Variants in DDX21 observed in about 807,000 individuals in gnomAD.
DDX21 encodes the protein nucleolar RNA helicase 2.
In DDX21, 18 loss-of-function variants were observed where a neutral mutation model predicts 90.0. The observed-to-expected ratio is 0.20, with a 90% confidence interval of 0.14 to 0.30. DDX21 has a LOEUF of 0.30. Ranked by LOEUF, DDX21 falls within the 10% of genes least tolerant of loss-of-function variation. DDX21 has a pLI of 1.00. For missense variants in DDX21, 673 were observed against 944.5 expected, an observed-to-expected ratio of 0.71 and a Z score of 3.77; for synonymous variants, 294 against 318.0, an observed-to-expected ratio of 0.92 and a Z score of 0.80.
At chr10:68,981,869 G>T (rs140112236) in intron 14 of DDX21, among the ~76,000 whole-genome samples, 1 of 151,734 alleles carries the variant, frequency 6.6e-6, no homozygotes, top group Non-Finnish European at 1.5e-5. Context: ...GTGTGTGTGT[G>T]TGTGCATGTG....
intron 9 of DDX21, among the ~76,000 whole-genome samples, chr10:68,972,628 A>C (rs1420047728): frequency 2.0e-5 from 3 of 152,218 alleles, no homozygotes; most frequent in Non-Finnish European, 4.4e-5. Flanking sequence ...AAGACTATGA[A>C]TTCACCAATT....
At chr10:68,965,717 G>A (rs1292925316) in intron 5 of DDX21, among the ~76,000 whole-genome samples, 1 of 151,992 alleles carries the variant, frequency 6.6e-6, no homozygotes, top group Non-Finnish European at 1.5e-5. Context: ...ATTTATCTAG[G>A]GGCTACAAAA....
intron 1 of DDX21, chr10:68,956,610 G>A: frequency 8.2e-7 from 1 of 1,225,114 alleles, no homozygotes; most frequent in South Asian, 1.9e-5. Flanking sequence ...AGAGGGCCGG[G>A]TGTCCCACGT....
intron 1 of DDX21, 184 bp downstream of exon 1, chr10:68,956,496 G>A (rs115031368): frequency 0.01 from 14,986 of 1,439,028 alleles, 137 homozygotes; most frequent in Non-Finnish European, 0.012. Flanking sequence ...TGGACGCGTC[G>A]TTTGCCCGAC....
intron 1 of DDX21, among the ~76,000 whole-genome samples, chr10:68,958,862 A>G (rs1313718172): frequency 6.6e-6 from 1 of 152,180 alleles, no homozygotes; most frequent in Non-Finnish European, 1.5e-5. Context: ...GGCATGAACC[A>G]CTGCACCTGG....
chr10:68,964,810 C>T (rs560407526), intron 4 of DDX21, among the ~76,000 whole-genome samples: 16 of 151,064 alleles, frequency 1.1e-4, no homozygotes, highest in African/African-American at 3.4e-4. Context: ...TGAGCCACCA[C>T]GCCTGGCTCA....
At chr10:68,970,483 T>A in intron 8 of DDX21, 133 bp downstream of exon 8, 4 of 779,306 alleles carry the variant, frequency 5.1e-6, no homozygotes, top group Non-Finnish European at 3.7e-6. Flanking sequence ...GAGAGGAAGC[T>A]ACTTTTTTTT....
rs1490023676 is a variant in DDX21 at position 68,983,145 on chromosome 10, A to C, written c.*333A>C. On this transcript the variant is annotated 3_prime_UTR_variant, in exon 15 of 15. Coordinates refer to ENST00000354185, the MANE Select transcript of DDX21 (RefSeq NM_004728.4). ...TGAGTTCACCTGTCTTTATACTCAA[A>C]AGTGTCCCTTAATAGTGTCCTTCCC... is the stretch of plus-strand genomic sequence containing the variant. The C allele has an allele frequency of 1.3e-5, 4 of 298,936 alleles. No individual in the cohort carries two copies. Among genetic ancestry groups the C allele is most frequent in the Non-Finnish European group, 2.6e-5 (4 of 154,980 alleles). The allele number at this position is 298,936 out of a possible 1,614,324, so 18.5% of individuals were successfully genotyped here.
intron 2 of DDX21, 73 bp from the exon 3 acceptor site, chr10:68,962,009 T>G: frequency 8.2e-7 from 1 of 1,223,246 alleles, no homozygotes; most frequent in Non-Finnish European, 1.2e-6. Flanking sequence ...TTGTTTTGTC[T>G]CTTTCTCAGA....
intron 1 of DDX21, among the ~76,000 whole-genome samples, chr10:68,959,445 A>G (rs10762249): frequency 0.18 from 27,529 of 152,108 alleles, 3,114 homozygotes; most frequent in East Asian, 0.53. Flanking sequence ...GTGAGCTGAG[A>G]TTGTGCCACT....
intron 1 of DDX21, among the ~76,000 whole-genome samples, chr10:68,957,128 T>C (rs1047775751): frequency 6.6e-6 from 1 of 151,916 alleles, no homozygotes; most frequent in Admixed American, 6.5e-5. Flanking sequence ...GCGTCTTTAG[T>C]GACTTTTTAA....
At chr10:68,965,288 G>C in intron 4 of DDX21, 89 bp from the exon 5 acceptor site, 1 of 1,013,538 alleles carries the variant, frequency 9.9e-7, no homozygotes, top group Non-Finnish European at 1.5e-6. Context: ...TGTTCAAGTC[G>C]TTCTTTTCCT....
intron 13 of DDX21, among the ~76,000 whole-genome samples, chr10:68,980,195 G>A (rs1236721127): frequency 5.9e-5 from 9 of 152,048 alleles, no homozygotes; most frequent in Non-Finnish European, 1.0e-4. Context: ...AGCCGAGATC[G>A]CGCCATTACA....
chr10:68,974,962 C>T lies in DDX21; in HGVS notation c.1742+219C>T, dbSNP rs554087358. Among the ~76,000 whole-genome samples the T allele has an allele frequency of 3.3e-5, 5 of 152,178 alleles. No individual in the cohort carries two copies. In the East Asian group the frequency reaches 7.7e-4, roughly 24 times the overall value. On this transcript the variant is annotated intron_variant, in intron 11 of 14. Coordinates refer to ENST00000354185, the MANE Select transcript of DDX21 (RefSeq NM_004728.4). ...GATTACAGGTGTGAGCCAGCATGCA[C>T]AGCCTATTCTTTTTAACTGATAACC...
At chr10:68,973,504 C>G in intron 9 of DDX21, 41 bp from the exon 10 acceptor site, 1 of 1,612,476 alleles carries the variant, frequency 6.2e-7, no homozygotes, top group Non-Finnish European at 8.5e-7. Flanking sequence ...GTTTGTCTCT[C>G]TTTTTTGGTT....
At chr10:68,975,246 T>A (rs896443331) in intron 11 of DDX21, among the ~76,000 whole-genome samples, 4 of 152,224 alleles carry the variant, frequency 2.6e-5, no homozygotes, top group Non-Finnish European at 5.9e-5. Context: ...GTTGATTGCT[T>A]CGTTAATAGT....
In DDX21 at chr10:68,967,190, G is replaced by T; in HGVS notation, c.1077G>T (p.Val359=). ...ATCAAGTGGAAGAGATTTTAAGTGT[G>T]GCATACAAGAAAGGTAATCCACAAA... ...FADQVEEILS[V]AYKKDSEDNP... is the part of the protein sequence containing the mutation. The change falls in exon 6 of 15, where the codon GTG becomes GTT. Residue 359 remains valine, a synonymous_variant. Transcript: ENST00000354185. 6.2e-7 allele frequency: 1 copy of T among 1,608,938 alleles called. No homozygotes were observed. Among genetic ancestry groups the T allele is most frequent in the South Asian group, 1.1e-5 (1 of 90,498 alleles).
Position 68,977,699 on chromosome 10 carries a change from G to A in DDX21, c.1902+11G>A. ...ATCAACTCAAATGTGGTAAGGTTCT[G>A]CAGCACATTCCTGACACTTCATAAT... On this transcript the variant is annotated intron_variant, in intron 12 of 14. Coordinates refer to ENST00000354185, the MANE Select transcript of DDX21 (RefSeq NM_004728.4). The A allele has an allele frequency of 6.2e-7, 1 of 1,602,934 alleles. No homozygotes were observed.
rs1843230952 is a variant in DDX21 at position 68,983,884 on chromosome 10, G to T, written c.*1072G>T. 1 of 152,134 alleles carries T rather than the reference G, an allele frequency of 6.6e-6. No individual in the cohort carries two copies. Among genetic ancestry groups the T allele is most frequent in the African/African-American group, 2.4e-5 (1 of 41,434 alleles). 9.4% of individuals were successfully genotyped at this position (152,134 alleles called of 1,614,324 possible). On this transcript the variant is annotated 3_prime_UTR_variant, in exon 15 of 15. Transcript: ENST00000354185. ...GGTTAACTTCAAGTGGGCAAGCTGG[G>T]GTTTTTAGGTAGTCAGTGGCCTAGT...
Sources: gnomAD v4.1 joint callset for allele counts (sites outside exome capture counted in the v4.1 genomes callset) on GRCh38, gnomAD v4.1.1 for gene constraint, MANE v1.5 for transcripts, NCBI Gene and HGNC (gene_info 2026-07-23, HGNC 2026-07-21) for gene names.